Variants in MACROD2 observed in about 807,000 individuals in gnomAD.
MACROD2 encodes the protein ADP-ribose glycohydrolase MACROD2.
MACROD2 carries 36 observed loss-of-function variants against 70.4 expected under a neutral mutation model. The ratio of observed to expected loss-of-function variants is 0.51; its 90% confidence interval spans 0.39 to 0.68. The LOEUF (loss-of-function observed/expected upper bound fraction) is 0.68, where lower values mean the gene tolerates loss of function less well. Ranked by LOEUF, MACROD2 falls within the 30% of genes least tolerant of loss-of-function variation. The probability of loss-of-function intolerance (pLI) is 0.00; values close to 1 mark genes in which losing one functional copy is unlikely to be tolerated. For synonymous variants in MACROD2, 172 were observed against 178.8 expected, an observed-to-expected ratio of 0.96 and a Z score of 0.30; for missense variants, 496 against 538.4, an observed-to-expected ratio of 0.92 and a Z score of 0.78.
At chr20:15,054,677 A>G (rs573696071) in intron 5 of MACROD2, among the ~76,000 whole-genome samples, 1 of 152,294 alleles carries the variant, frequency 6.6e-6, no homozygotes, top group Non-Finnish European at 1.5e-5. Context: ...ATATGCCTGT[A>G]TTAGGTGCTC....
chr20:16,005,624 C>T (rs1314275997), intron 15 of MACROD2, among the ~76,000 whole-genome samples: 1 of 152,244 alleles, frequency 6.6e-6, no homozygotes, highest in African/African-American at 2.4e-5. Context: ...TTTCCGTAAA[C>T]TACCTGTGAT....
chr20:15,197,998 G>A (rs951807975), intron 5 of MACROD2, among the ~76,000 whole-genome samples: 14 of 112,440 alleles, frequency 1.2e-4, no homozygotes, highest in Non-Finnish European at 2.2e-4. Context: ...GTCTTGCTCT[G>A]TCACCCAGGC....
intron 6 of MACROD2, among the ~76,000 whole-genome samples, chr20:15,275,087 C>T (rs2077379038): frequency 6.6e-6 from 1 of 152,118 alleles, no homozygotes; most frequent in Non-Finnish European, 1.5e-5. Context: ...AAGAATTAGG[C>T]TAGATGATCC....
intron 3 of MACROD2, among the ~76,000 whole-genome samples, chr20:14,192,652 A>T (rs1453550521): frequency 3.3e-5 from 5 of 152,168 alleles, no homozygotes; most frequent in African/African-American, 1.2e-4. Context: ...GTGCCCAAAC[A>T]GGTGGATAAT....
At chr20:15,081,143 A>G (rs560316946) in intron 5 of MACROD2, among the ~76,000 whole-genome samples, 7 of 152,306 alleles carry the variant, frequency 4.6e-5, no homozygotes, top group Admixed American at 2.0e-4. Flanking sequence ...TGGTTTTTAC[A>G]TCTTTACATG....
At chr20:14,523,200 C>G (rs1052648200) in intron 4 of MACROD2, among the ~76,000 whole-genome samples, 2 of 152,118 alleles carry the variant, frequency 1.3e-5, no homozygotes, top group Admixed American at 6.5e-5. Flanking sequence ...CTCTTCTCCC[C>G]CAGAAAAACC....
At chr20:14,036,833 T>C (rs565049339) in intron 2 of MACROD2, among the ~76,000 whole-genome samples, 3 of 152,330 alleles carry the variant, frequency 2.0e-5, no homozygotes, top group Non-Finnish European at 4.4e-5. Context: ...CTAGCCACTT[T>C]TGTGTTTTTT....
intron 3 of MACROD2, among the ~76,000 whole-genome samples, chr20:14,099,289 A>G (rs1348176215): frequency 6.6e-6 from 1 of 151,850 alleles, no homozygotes; most frequent in Non-Finnish European, 1.5e-5. Flanking sequence ...AAAAAAAAAA[A>G]GGCAGCAGAA....
intron 5 of MACROD2, among the ~76,000 whole-genome samples, chr20:15,114,557 A>G (rs2075978769): frequency 6.6e-6 from 1 of 152,128 alleles, no homozygotes; most frequent in Non-Finnish European, 1.5e-5. Flanking sequence ...CCTGGAAGAG[A>G]ACTCCAAGCT....
At chr20:14,304,246 G>A (rs1361472339) in intron 3 of MACROD2, among the ~76,000 whole-genome samples, 1 of 152,082 alleles carries the variant, frequency 6.6e-6, no homozygotes, top group Non-Finnish European at 1.5e-5. Context: ...CTCTTTCAAA[G>A]GCTCATCTGA....
chr20:14,516,359 G>C (rs2085099700), intron 4 of MACROD2, among the ~76,000 whole-genome samples: 1 of 152,024 alleles, frequency 6.6e-6, no homozygotes, highest in Non-Finnish European at 1.5e-5. Flanking sequence ...TTGGTGTTTA[G>C]TCATGAAGTC....
At chr20:14,459,080 G>A (rs1302536177) in intron 3 of MACROD2, among the ~76,000 whole-genome samples, 1 of 151,956 alleles carries the variant, frequency 6.6e-6, no homozygotes, top group Non-Finnish European at 1.5e-5. Flanking sequence ...ATTACCAAAA[G>A]AAGGTGTGAG....
chr20:14,544,123 G>A (rs1568662855), intron 4 of MACROD2, among the ~76,000 whole-genome samples: 2 of 151,964 alleles, frequency 1.3e-5, no homozygotes, highest in Admixed American at 6.6e-5. Context: ...AATGTTCCAT[G>A]TTGATATACT....
intron 6 of MACROD2, among the ~76,000 whole-genome samples, chr20:15,405,077 T>C (rs1287345001): frequency 6.6e-6 from 1 of 152,066 alleles, no homozygotes; most frequent in Non-Finnish European, 1.5e-5. Flanking sequence ...ATGTCCAAAA[T>C]AGGCAAATCC....
intron 3 of MACROD2, among the ~76,000 whole-genome samples, chr20:14,406,126 T>C (rs893554300): frequency 1.3e-5 from 2 of 152,092 alleles, no homozygotes; most frequent in Non-Finnish European, 2.9e-5. Context: ...GAGGACCTGT[T>C]TGACAAAAAT....
chr20:14,229,903 C>A (rs2081784723), intron 3 of MACROD2, among the ~76,000 whole-genome samples: 1 of 152,110 alleles, frequency 6.6e-6, no homozygotes. Context: ...CAGACCACCA[C>A]AATAAATTGA....
chr20:15,339,204 A>G (rs2078081104), intron 6 of MACROD2, among the ~76,000 whole-genome samples: 1 of 151,864 alleles, frequency 6.6e-6, no homozygotes, highest in South Asian at 2.1e-4. Flanking sequence ...GATACCTTTG[A>G]AAACCTTTTT....
At chr20:14,224,206 A>G (rs2081710909) in intron 3 of MACROD2, among the ~76,000 whole-genome samples, 1 of 152,228 alleles carries the variant, frequency 6.6e-6, no homozygotes. Context: ...ACATAAAACT[A>G]TCACAGGAAC....
intron 7 of MACROD2, among the ~76,000 whole-genome samples, chr20:15,485,014 G>T (rs1012831243): frequency 3.3e-5 from 5 of 152,102 alleles, no homozygotes; most frequent in African/African-American, 1.2e-4. Context: ...CTTTTAGTTG[G>T]TTTAGCTGTT....
Sources: gnomAD v4.1 joint callset for allele counts (sites outside exome capture counted in the v4.1 genomes callset) on GRCh38, gnomAD v4.1.1 for gene constraint, MANE v1.5 for transcripts, NCBI Gene and HGNC (gene_info 2026-07-23, HGNC 2026-07-21) for gene names.